Variants in RHBDD1 observed in about 807,000 individuals in gnomAD.
RHBDD1 encodes rhomboid-related protein 4.
A neutral mutation model predicts 36.3 loss-of-function variants in RHBDD1; 38 were observed. The ratio of observed to expected loss-of-function variants is 1.05; its 90% CI spans 0.81 to 1.37. The LOEUF is 1.37. Ranked by LOEUF, RHBDD1 falls within the 40% of genes most tolerant of loss-of-function variation. The probability of loss-of-function intolerance (pLI) is 0.00; values close to 1 mark genes in which losing one functional copy is unlikely to be tolerated. For synonymous variants in RHBDD1, 151 were observed against 136.5 expected, an observed-to-expected ratio of 1.11 and a Z score of -0.74; for missense variants, 393 against 377.6, an observed-to-expected ratio of 1.04 and a Z score of -0.34.
chr2:226,838,567 G>T lies in RHBDD1; in HGVS notation c.-310+413G>T, dbSNP rs554717509. ...TTAAATGAAATAACGCATAAAACAC[G>T]TCCACCTTGTTTTAGGCACAGAGGC... is the stretch of plus-strand genomic sequence containing the variant. On this transcript the variant is annotated intron_variant, in intron 2 of 8. Coordinates refer to ENST00000392062, the MANE Select transcript of RHBDD1 (RefSeq NM_001167608.3). 6.6e-5 allele frequency among the ~76,000 whole-genome samples: 10 copies of T among 152,252 alleles called. No homozygotes were observed. The South Asian group carries it at 1.9e-3, about 28-fold the overall frequency.
At chr2:226,817,460 G>A in the RHBDD1 span, among the ~76,000 whole-genome samples, 91 of 152,298 alleles carry the variant, frequency 6.0e-4, no homozygotes, top group African/African-American at 2.1e-3. Flanking sequence ...AGGGAACCAA[G>A]AGGAAATAAC....
In RHBDD1 at chr2:226,955,785, A is replaced by G. The variant is rs115292665; in HGVS notation, c.857-39646A>G. 2.3e-3 allele frequency among the ~76,000 whole-genome samples: 345 copies of G among 152,170 alleles called. 2 individuals are homozygous for G. The highest frequency in any genetic ancestry group is 7.8e-3 in the African/African-American group (322 of 41,502). The stretch of plus-strand genomic sequence containing the variant: ...CCCTGGAGCCTCTCCCTCTGCTTAT[A>G]AGGACATCAGTCCTGTTGGATTAGG... On this transcript the variant is annotated intron_variant, in intron 8 of 8. Coordinates refer to ENST00000392062, the MANE Select transcript of RHBDD1 (RefSeq NM_001167608.3).
At chr2:226,925,918 G>A (rs1949635633) in intron 8 of RHBDD1, among the ~76,000 whole-genome samples, 1 of 152,054 alleles carries the variant, frequency 6.6e-6, no homozygotes, top group African/African-American at 2.4e-5. Context: ...TTATTTGAAT[G>A]TAGAGTTTGT....
chr2:226,931,570 A>T (rs1017710476), intron 8 of RHBDD1, among the ~76,000 whole-genome samples: 1 of 152,120 alleles, frequency 6.6e-6, no homozygotes, highest in African/African-American at 2.4e-5. Context: ...TGATGAGTGC[A>T]CTAAAATCTC....
chr2:226,844,906 A>C (rs1468458173), intron 3 of RHBDD1, among the ~76,000 whole-genome samples: 1 of 152,184 alleles, frequency 6.6e-6, no homozygotes, highest in Non-Finnish European at 1.5e-5. Context: ...AAAATCTGGT[A>C]ATTTCATTTT....
At chr2:226,964,018 C>A (rs1345258662) in intron 8 of RHBDD1, among the ~76,000 whole-genome samples, 1 of 152,046 alleles carries the variant, frequency 6.6e-6, no homozygotes, top group Admixed American at 6.5e-5. Flanking sequence ...ATTGAGTATC[C>A]CCTTTTCCCT....
At chr2:226,888,771 T>C (rs1406174388) in intron 5 of RHBDD1, among the ~76,000 whole-genome samples, 1 of 152,222 alleles carries the variant, frequency 6.6e-6, no homozygotes, top group Non-Finnish European at 1.5e-5. Context: ...TCATTATTGT[T>C]ATGTCTACAA....
At chr2:226,936,851 A>G (rs991328764) in intron 8 of RHBDD1, among the ~76,000 whole-genome samples, 1 of 152,102 alleles carries the variant, frequency 6.6e-6, no homozygotes, top group Non-Finnish European at 1.5e-5. Context: ...CTTTCTGCCA[A>G]ATGACAAGCG....
At chr2:226,868,374 G>A (rs1944510319) in intron 5 of RHBDD1, among the ~76,000 whole-genome samples, 1 of 152,100 alleles carries the variant, frequency 6.6e-6, no homozygotes, top group Non-Finnish European at 1.5e-5. Flanking sequence ...TCCTGTCTGG[G>A]GCTCCTGCCC....
chr2:226,988,385 G>T (rs1213923324), intron 8 of RHBDD1: 3 of 1,550,494 alleles, frequency 1.9e-6, no homozygotes, highest in Non-Finnish European at 1.7e-6. Context: ...CAAGATAAAG[G>T]TCAGAACAGA....
intron 4 of RHBDD1, among the ~76,000 whole-genome samples, chr2:226,866,043 A>T (rs1944298461): frequency 6.6e-6 from 1 of 152,214 alleles, no homozygotes; most frequent in African/African-American, 2.4e-5. Context: ...ATCCACATGG[A>T]GATGGGATTA....
chr2:226,833,739 G>A (rs1318153662), upstream of RHBDD1, among the ~76,000 whole-genome samples: 1 of 152,190 alleles, frequency 6.6e-6, no homozygotes, highest in Non-Finnish European at 1.5e-5. Flanking sequence ...ATTTCTTCTG[G>A]CACTGATTCT....
intron 4 of RHBDD1, 39 bp downstream of exon 4, chr2:226,865,165 A>AC: frequency 6.8e-7 from 1 of 1,472,110 alleles, no homozygotes. Flanking sequence ...TGCATAAAGG[A>AC]AGCAAGGGAG....
intron 5 of RHBDD1, among the ~76,000 whole-genome samples, chr2:226,888,404 CAGTG>C (rs1285358713): frequency 7.1e-6 from 1 of 140,846 alleles, no homozygotes; most frequent in Non-Finnish European, 1.5e-5. Flanking sequence ...CATGAAATCT[CAGTG>C]AGGTTTTTTT....
At chr2:226,894,184 T>C (rs1475473243) in intron 5 of RHBDD1, among the ~76,000 whole-genome samples, 1 of 152,214 alleles carries the variant, frequency 6.6e-6, no homozygotes, top group Non-Finnish European at 1.5e-5. Flanking sequence ...CCCATATTTA[T>C]GAGGATTCCA....
the RHBDD1 span, among the ~76,000 whole-genome samples, chr2:226,817,044 A>G: frequency 6.6e-6 from 1 of 152,202 alleles, no homozygotes; most frequent in Non-Finnish European, 1.5e-5. Flanking sequence ...ACACCAGTCT[A>G]TTGGCATTTT....
intron 8 of RHBDD1, among the ~76,000 whole-genome samples, chr2:226,964,728 A>T (rs545125755): frequency 9.2e-5 from 14 of 152,364 alleles, no homozygotes; most frequent in African/African-American, 3.4e-4. Context: ...GTAGTGAGTA[A>T]CCAAGCCTTC....
the RHBDD1 span, among the ~76,000 whole-genome samples, chr2:226,823,680 T>C: frequency 5.3e-5 from 8 of 152,216 alleles, no homozygotes; most frequent in Non-Finnish European, 1.0e-4. Flanking sequence ...TATGCTGCTA[T>C]AATAGAATAA....
intron 8 of RHBDD1, among the ~76,000 whole-genome samples, chr2:226,991,065 A>G (rs909147597): frequency 2.6e-5 from 4 of 152,212 alleles, no homozygotes; most frequent in Non-Finnish European, 2.9e-5. Context: ...TTTTATATCT[A>G]TTTCTCAGAA....
Sources: allele counts gnomAD v4.1 joint callset (sites outside exome capture counted in the v4.1 genomes callset), GRCh38; gene constraint gnomAD v4.1.1; transcripts MANE v1.5; gene names NCBI Gene and HGNC (gene_info 2026-07-23, HGNC 2026-07-21).